Variants in RRM2B observed in about 807,000 individuals in gnomAD.
The protein encoded by RRM2B is ribonucleotide reductase regulatory TP53 inducible subunit M2B.
RRM2B carries 20 observed loss-of-function variants against 45.9 expected under a neutral mutation model. The ratio of observed to expected loss-of-function variants is 0.44; its 90% confidence interval spans 0.31 to 0.63. The LOEUF is 0.63. Among genes scored for constraint, RRM2B ranks in the 30% least tolerant of loss-of-function variants. The pLI, the probability that RRM2B is intolerant of heterozygous loss-of-function variation, is 0.09. For synonymous variants in RRM2B, 124 were observed against 132.3 expected (o/e 0.94, Z 0.43); for missense variants, 320 against 414.7 (o/e 0.77, Z 1.98).
At chr8:102,215,142 G>A (rs1037524648) in intron 6 of RRM2B, among the ~76,000 whole-genome samples, 8 of 151,636 alleles carry the variant, frequency 5.3e-5, no homozygotes, top group African/African-American at 1.9e-4. Flanking sequence ...GGCTGGGCAT[G>A]GTGGCTCATG....
At chr8:102,218,774 A>T (rs774104496) in intron 6 of RRM2B, 40 bp downstream of exon 6, 1 of 1,503,544 alleles carries the variant, frequency 6.7e-7, no homozygotes, top group Admixed American at 1.7e-5. Context: ...AACATCAAAT[A>T]TGAATACAAA....
chr8:102,235,841 C>CA (rs111812335), intron 1 of RRM2B, among the ~76,000 whole-genome samples: 116 of 145,506 alleles, frequency 8.0e-4, no homozygotes, highest in South Asian at 2.8e-3. Context: ...GACTCCGTCT[C>CA]AAAAAAAAAA....
At chr8:102,226,916 A>G (rs1033921608) in intron 2 of RRM2B, among the ~76,000 whole-genome samples, 3 of 152,052 alleles carry the variant, frequency 2.0e-5, no homozygotes, top group African/African-American at 7.2e-5. Flanking sequence ...GAGTTTCACC[A>G]TGTTGGCCAG....
intron 8 of RRM2B, among the ~76,000 whole-genome samples, chr8:102,211,026 G>A (rs899267372): frequency 1.8e-4 from 27 of 151,608 alleles, no homozygotes; most frequent in Admixed American, 4.6e-4. Flanking sequence ...GAGAGAGAGC[G>A]AGAGAGAAAG....
At position 102,214,164 on chromosome 8, in the gene RRM2B, A is replaced by G; in HGVS notation, c.685-6T>C. The G allele has an allele frequency of 6.3e-7, 1 of 1,587,510 alleles. No homozygotes were observed. The highest frequency in any genetic ancestry group is 1.1e-5 in the South Asian group (1 of 90,530). On this transcript the variant is annotated splice_region_variant and splice_polypyrimidine_tract_variant and intron_variant, in intron 6 of 8. Transcript: ENST00000251810. ...GCAAAGTCACAGTGAAGTCCCTAAA[A>G]GGGAAGAAAAATGTCATTGTCAAAT... is the stretch of plus-strand genomic sequence containing the variant.
chr8:102,232,807 T>C (rs1587186718), intron 1 of RRM2B, among the ~76,000 whole-genome samples: 1 of 152,208 alleles, frequency 6.6e-6, no homozygotes, highest in East Asian at 1.9e-4. Context: ...ATATAATACT[T>C]ATCTGAAAAC....
chr8:102,222,844 CTT>C (rs989120067), intron 5 of RRM2B, among the ~76,000 whole-genome samples: 1 of 151,934 alleles, frequency 6.6e-6, no homozygotes, highest in African/African-American at 2.4e-5. Flanking sequence ...AATATAGAAA[CTT>C]ATATAAAAGT....
chr8:102,227,750 T>C (rs185959279), intron 2 of RRM2B, among the ~76,000 whole-genome samples: 4 of 152,234 alleles, frequency 2.6e-5, no homozygotes, highest in Admixed American at 6.5e-5. Flanking sequence ...GTCAGCATGG[T>C]TGGGTTATTG....
rs1488545823 is a variant in RRM2B, at chr8:102,205,222, T to A, written c.*2911A>T. ...CCTGACATTAGCCCTTAGTTCAGTA[T>A]CTACAAATGAAATTTGGGAATTCTA... On this transcript the variant is annotated 3_prime_UTR_variant, in exon 9 of 9. Coordinates refer to ENST00000251810, the MANE Select transcript of RRM2B (RefSeq NM_015713.5). 1 of 152,214 alleles carries A rather than the reference T, an allele frequency of 6.6e-6. No homozygotes were observed. The highest frequency in any genetic ancestry group is 1.5e-5 in the Non-Finnish European group (1 of 68,018). The allele number at this position is 152,214 out of a possible 1,614,324, so 9.4% of individuals were successfully genotyped here. A position where few individuals can be genotyped will look rare whatever the true frequency, so the allele number is the denominator to read the frequency against.
chr8:102,214,702 A>C (rs1282991876), intron 6 of RRM2B, among the ~76,000 whole-genome samples: 1 of 148,810 alleles, frequency 6.7e-6, no homozygotes, highest in Non-Finnish European at 1.5e-5. Context: ...AGACTGCTTG[A>C]GTCCAGGAGT....
In RRM2B at chr8:102,207,999, G is replaced by A. The variant is rs1223155696; in HGVS notation, c.*134C>T. 1 of 688,994 alleles carries A rather than the reference G, an allele frequency of 1.5e-6. No homozygotes were observed. Among genetic ancestry groups the A allele is most frequent in the Non-Finnish European group, 2.5e-6 (1 of 399,320 alleles). 42.7% of individuals were successfully genotyped at this position (688,994 alleles called of 1,614,324 possible). On this transcript the variant is annotated 3_prime_UTR_variant, in exon 9 of 9. Coordinates refer to ENST00000251810, the MANE Select transcript of RRM2B (RefSeq NM_015713.5). ...AAATTATATAAATGCAAATTGTTTA[G>A]AATAGGTTTTGGATTTCCTTTTGAG... is the stretch of plus-strand genomic sequence containing the variant.
rs1373885731 is a variant in RRM2B at position 102,224,087 on chromosome 8, T to C, written c.509A>G (p.Asp170Gly). The change falls in exon 5 of 9, where the codon GAT becomes GGT. Residue 170 changes from aspartate (D) to glycine (G), a missense_variant. By Grantham distance (94) the Asp-to-Gly change is moderately conservative. This residue lies in a region of RRM2B where 225 missense variants were observed against 289.4 expected (regional missense o/e 0.78). Transcript: ENST00000251810. Reference protein sequence around the residue: ...ETMPYVKKKADWALRWIADRK... With the variant: ...ETMPYVKKKAGWALRWIADRK... Reference sequence around the variant, plus strand: ...ATCTGCTATCCATCGCAAGGCCCAATCTGCTTTTTTCTTAACATAGGGCAT... The same window carrying C: ...ATCTGCTATCCATCGCAAGGCCCAACCTGCTTTTTTCTTAACATAGGGCAT... 7 of 1,613,712 alleles carry C rather than the reference T, an allele frequency of 4.3e-6. No homozygotes were observed. The highest frequency in any genetic ancestry group is 5.9e-6 in the Non-Finnish European group (7 of 1,179,778).
At chr8:102,228,221 T>C (rs959348920) in intron 2 of RRM2B, among the ~76,000 whole-genome samples, 1 of 152,138 alleles carries the variant, frequency 6.6e-6, no homozygotes, top group Non-Finnish European at 1.5e-5. Context: ...AGAAGCAGCT[T>C]AACTTCAGAG....
At chr8:102,236,872 A>T (rs1056307414) in intron 1 of RRM2B, among the ~76,000 whole-genome samples, 2 of 152,144 alleles carry the variant, frequency 1.3e-5, no homozygotes, top group African/African-American at 4.8e-5. Context: ...ACAACAATTT[A>T]GGTCAAGATT....
rs376829518 is a variant in RRM2B at position 102,226,041 on chromosome 8, T to C, written c.205-7A>G. ...GATCCTTTGATAAGTCGACCTGGAA[T>C]AAAAAGATTTTCAAAAATTTTAATT... On this transcript the variant is annotated splice_region_variant and splice_polypyrimidine_tract_variant and intron_variant, in intron 2 of 8. Transcript: ENST00000251810. 3 of 1,562,534 alleles carry C rather than the reference T, an allele frequency of 1.9e-6. No homozygotes were observed. The African/African-American group carries it at 4.1e-5, about 21-fold the overall frequency.
rs1810571891 is a variant in RRM2B, at chr8:102,207,946, T to TA, written c.*186dup. 4 of 554,782 alleles carry TA rather than the reference T, an allele frequency of 7.2e-6. No individual in the cohort carries two copies. The South Asian group carries it at 8.6e-5, about 12-fold the overall frequency. The allele number at this position is 554,782 out of a possible 1,614,324, so 34.4% of individuals were successfully genotyped here. A position where few individuals can be genotyped will look rare whatever the true frequency, so the allele number is the denominator to read the frequency against. The stretch of plus-strand genomic sequence containing the variant: ...ATTTCAGTGACAAGACAAAAGCATT[T>TA]AGGTCACACTCTTGTTGTTAAACAG... On this transcript the variant is annotated 3_prime_UTR_variant, in exon 9 of 9. Transcript: ENST00000251810.
chr8:102,216,205 T>G (rs1057025280), intron 6 of RRM2B, among the ~76,000 whole-genome samples: 11 of 152,004 alleles, frequency 7.2e-5, no homozygotes, highest in Non-Finnish European at 1.3e-4. Context: ...GATGGATTAC[T>G]TAACAAGGCA....
chr8:102,205,667 G>C lies in RRM2B; in HGVS notation c.*2466C>G, dbSNP rs564619226. On this transcript the variant is annotated 3_prime_UTR_variant, in exon 9 of 9. Transcript: ENST00000251810. Reference sequence around the variant, plus strand: ...TATTATAGCAATGATTTAAATACATGTACTGTAAAAAAGAGAAAACAGTTG... The same window carrying C: ...TATTATAGCAATGATTTAAATACATCTACTGTAAAAAAGAGAAAACAGTTG... The C allele has an allele frequency of 7.9e-5, 12 of 152,084 alleles. No homozygotes were observed. The East Asian group carries it at 1.5e-3, about 20-fold the overall frequency. The allele number at this position is 152,084 out of a possible 1,614,324, so 9.4% of individuals were successfully genotyped here. A position where few individuals can be genotyped will look rare whatever the true frequency, so the allele number is the denominator to read the frequency against.
chr8:102,214,274 A>G, intron 6 of RRM2B, 116 bp from the exon 7 acceptor site: 1 of 735,420 alleles, frequency 1.4e-6, no homozygotes. Context: ...ACTTCTGGAA[A>G]ATGGAAGAGG....
Sources: allele counts gnomAD v4.1 joint callset (sites outside exome capture counted in the v4.1 genomes callset), GRCh38; gene constraint gnomAD v4.1.1; regional missense constraint gnomAD v4.1.1; transcripts MANE v1.5; gene names NCBI Gene and HGNC (gene_info 2026-07-23, HGNC 2026-07-21).